SNTB1: variants seen among roughly 807,000 people sequenced by gnomAD.
SNTB1 encodes the protein syntrophin beta 1.
In SNTB1, 36 loss-of-function variants were observed where a neutral mutation model predicts 48.9. That is an observed-to-expected ratio of 0.74 (90% confidence interval 0.56 to 0.97). The LOEUF (loss-of-function observed/expected upper bound fraction) is 0.97, where lower values mean the gene tolerates loss of function less well. Ranked by LOEUF, SNTB1 falls within the 50% of genes least tolerant of loss-of-function variation. The probability of loss-of-function intolerance (pLI) is 0.00; values close to 1 mark genes in which losing one functional copy is unlikely to be tolerated. For synonymous variants in SNTB1, 299 were observed against 294.6 expected, an observed-to-expected ratio of 1.01 and a Z score of -0.15; for missense variants, 786 against 703.4, an observed-to-expected ratio of 1.12 and a Z score of -1.33.
At chr8:120,671,597 G>A (rs948444856) in intron 2 of SNTB1, among the ~76,000 whole-genome samples, 12 of 152,324 alleles carry the variant, frequency 7.9e-5, no homozygotes, top group South Asian at 6.2e-4. Flanking sequence ...GGTACCTTGC[G>A]GTTTTGGCCA....
chr8:120,619,020 A>G (rs367905858), intron 3 of SNTB1, among the ~76,000 whole-genome samples: 1 of 152,182 alleles, frequency 6.6e-6, no homozygotes, highest in African/African-American at 2.4e-5. Context: ...AATAAAATCC[A>G]TATCTATGGG....
chr8:120,723,406 G>T (rs1376100096), intron 1 of SNTB1, among the ~76,000 whole-genome samples: 1 of 152,040 alleles, frequency 6.6e-6, no homozygotes, highest in Non-Finnish European at 1.5e-5. Context: ...TATACAAAAA[G>T]CCAATTAAAA....
chr8:120,682,723 G>C (rs1199667092), intron 2 of SNTB1, among the ~76,000 whole-genome samples: 1 of 152,074 alleles, frequency 6.6e-6, no homozygotes, highest in African/African-American at 2.4e-5. Flanking sequence ...TAGGTAGATA[G>C]ACGATAGATA....
intron 3 of SNTB1, among the ~76,000 whole-genome samples, chr8:120,604,932 A>G (rs1816488215): frequency 1.3e-5 from 2 of 152,222 alleles, no homozygotes; most frequent in African/African-American, 4.8e-5. Flanking sequence ...TTCAGAGACT[A>G]TTAATACTTA....
At chr8:120,628,883 G>A (rs1203233574) in intron 3 of SNTB1, among the ~76,000 whole-genome samples, 1 of 152,196 alleles carries the variant, frequency 6.6e-6, no homozygotes, top group Non-Finnish European at 1.5e-5. Flanking sequence ...TGATAGCCAG[G>A]TGCAGTGGCA....
At chr8:120,783,069 A>G (rs1213124885) in intron 1 of SNTB1, among the ~76,000 whole-genome samples, 1 of 152,218 alleles carries the variant, frequency 6.6e-6, no homozygotes, top group Non-Finnish European at 1.5e-5. Flanking sequence ...GCTTCTGCAA[A>G]TATGTTTATC....
chr8:120,604,873 C>T (rs930455058), intron 3 of SNTB1, among the ~76,000 whole-genome samples: 2 of 152,174 alleles, frequency 1.3e-5, no homozygotes, highest in Non-Finnish European at 1.5e-5. Flanking sequence ...AATTCAAAGC[C>T]AGGCAATTGT....
chr8:120,544,789 ACTT>A (rs1278789390), intron 5 of SNTB1, among the ~76,000 whole-genome samples: 1 of 125,010 alleles, frequency 8.0e-6, no homozygotes, highest in Non-Finnish European at 1.6e-5. Flanking sequence ...CAAATTCAAA[ACTT>A]TTTTTTTTTT....
intron 1 of SNTB1, among the ~76,000 whole-genome samples, chr8:120,780,839 A>G (rs1587157634): frequency 6.6e-6 from 1 of 152,388 alleles, no homozygotes; most frequent in East Asian, 1.9e-4. Flanking sequence ...ATCAGGGTAG[A>G]TAATTTCCCT....
At chr8:120,610,273 A>G (rs1191227485) in intron 3 of SNTB1, among the ~76,000 whole-genome samples, 1 of 152,042 alleles carries the variant, frequency 6.6e-6, no homozygotes, top group East Asian at 1.9e-4. Flanking sequence ...GGTAGCTCGG[A>G]TTATAGGCAC....
chr8:120,632,754 A>G, intron 2 of SNTB1, 103 bp from the exon 3 acceptor site: 1 of 953,524 alleles, frequency 1.0e-6, no homozygotes, highest in East Asian at 2.6e-5. Flanking sequence ...CTTCTTTTAG[A>G]CTTTGTCAGT....
intron 1 of SNTB1, among the ~76,000 whole-genome samples, chr8:120,794,574 A>AT (rs1820091213): frequency 8.4e-6 from 1 of 119,738 alleles, no homozygotes; most frequent in Non-Finnish European, 1.7e-5. Flanking sequence ...ATTAATGATA[A>AT]TCTTGTTAAT....
Position 120,783,962 on chromosome 8 carries a change from AG to A in SNTB1, c.571+27310del, listed in dbSNP as rs1305714025. ...TGAAAGTATATGGGAAAATGTGTGT[AG>A]GTTACATGCAAATACTCCAGTTTTG... is the stretch of plus-strand genomic sequence containing the variant. On this transcript the variant is annotated intron_variant, in intron 1 of 6. Transcript: ENST00000517992. Among the ~76,000 whole-genome samples, 326 of 152,258 alleles carry A rather than the reference AG, an allele frequency of 2.1e-3. 1 individual carries two copies. Among genetic ancestry groups the A allele is most frequent in the African/African-American group, 7.5e-3 (311 of 41,558 alleles).
Position 120,634,157 on chromosome 8 carries a change from A to C in SNTB1, c.789-1506T>G, listed in dbSNP as rs530825660. 2.0e-5 allele frequency among the ~76,000 whole-genome samples: 3 copies of C among 152,278 alleles called. No individual in the cohort carries two copies. In the East Asian group the frequency reaches 5.8e-4, roughly 29 times the overall value. On this transcript the variant is annotated intron_variant, in intron 2 of 6. Coordinates refer to ENST00000517992, the MANE Select transcript of SNTB1 (RefSeq NM_021021.4). ...CTTTTTAATTGCATAAAGAAAAAAA[A>C]CCCAATATTCATTCACGTATATATG...
intron 4 of SNTB1, among the ~76,000 whole-genome samples, chr8:120,574,494 C>T (rs1815916415): frequency 6.6e-6 from 1 of 152,074 alleles, no homozygotes; most frequent in South Asian, 2.1e-4. Context: ...AAATTGTATA[C>T]ATTAAATATG....
chr8:120,649,668 G>A (rs1817372299), intron 2 of SNTB1, among the ~76,000 whole-genome samples: 1 of 151,330 alleles, frequency 6.6e-6, no homozygotes, highest in African/African-American at 2.4e-5. Context: ...AGGCAGGCAG[G>A]CCTCCTTGAG....
At position 120,638,595 on chromosome 8, in the gene SNTB1, C is replaced by T. The variant is rs1213455078; in HGVS notation, c.789-5944G>A. ...CGACAGGCCCCGGTGTGTGATGTTC[C>T]CCTTCCTGTGTCCAAGTGTTCTTAT... On this transcript the variant is annotated intron_variant, in intron 2 of 6. Coordinates refer to ENST00000517992, the MANE Select transcript of SNTB1 (RefSeq NM_021021.4). 3.9e-5 allele frequency among the ~76,000 whole-genome samples: 6 copies of T among 152,172 alleles called. No homozygotes were observed. In the East Asian group the frequency reaches 7.7e-4, roughly 20 times the overall value.
chr8:120,749,912 A>G (rs1819183132), intron 1 of SNTB1, among the ~76,000 whole-genome samples: 1 of 152,180 alleles, frequency 6.6e-6, no homozygotes, highest in Non-Finnish European at 1.5e-5. Context: ...ACTCAAAGCC[A>G]TAACATGGTT....
chr8:120,699,366 C>T (rs556628726), intron 1 of SNTB1, among the ~76,000 whole-genome samples: 5 of 152,312 alleles, frequency 3.3e-5, no homozygotes, highest in South Asian at 4.1e-4. Flanking sequence ...ACAGATCCCT[C>T]ATGAATGGCT....
Sources: allele counts gnomAD v4.1 joint callset (sites outside exome capture counted in the v4.1 genomes callset), GRCh38; gene constraint gnomAD v4.1.1; transcripts MANE v1.5; gene names NCBI Gene and HGNC (gene_info 2026-07-23, HGNC 2026-07-21).